The following FAM227B variants were observed in gnomAD, a reference collection of about 807,000 sequenced individuals.
FAM227B encodes the protein protein FAM227B.
In FAM227B, 88 loss-of-function variants were observed where a neutral mutation model predicts 73.8. The ratio of observed to expected loss-of-function variants is 1.19; its 90% confidence interval spans 1.00 to 1.42. FAM227B has a LOEUF of 1.42. FAM227B is among the 40% of genes most tolerant of loss of function. The pLI, the probability that FAM227B is intolerant of heterozygous loss-of-function variation, is 0.00. For missense variants in FAM227B, 632 were observed against 590.9 expected, an observed-to-expected ratio of 1.07 and a Z score of -0.72; for synonymous variants, 210 against 190.5, an observed-to-expected ratio of 1.10 and a Z score of -0.84.
intron 11 of FAM227B, among the ~76,000 whole-genome samples, chr15:49,389,554 G>A (rs2047078370): frequency 6.6e-6 from 1 of 151,742 alleles, no homozygotes; most frequent in African/African-American, 2.4e-5. Context: ...CTTGGGTGAT[G>A]GGTGCACTAA....
intron 3 of FAM227B, among the ~76,000 whole-genome samples, chr15:49,599,933 G>C (rs983915897): frequency 2.6e-5 from 4 of 152,128 alleles, no homozygotes; most frequent in African/African-American, 9.7e-5. Context: ...ATTTTGTCTA[G>C]AGAGTTGTTC....
chr15:49,561,551 C>T (rs920128977), intron 9 of FAM227B, among the ~76,000 whole-genome samples: 10 of 152,132 alleles, frequency 6.6e-5, no homozygotes, highest in Non-Finnish European at 2.9e-5. Flanking sequence ...CACCCATCAA[C>T]TAGAAATGTG....
At chr15:49,494,284 C>T (rs4994868) in intron 11 of FAM227B, among the ~76,000 whole-genome samples, 34 of 151,338 alleles carry the variant, frequency 2.2e-4, no homozygotes, top group South Asian at 1.0e-3. Flanking sequence ...CACACACACA[C>T]ACACACCCTA....
At chr15:49,533,530 T>A (rs1196180518) in intron 10 of FAM227B, among the ~76,000 whole-genome samples, 1 of 151,926 alleles carries the variant, frequency 6.6e-6, no homozygotes, top group Non-Finnish European at 1.5e-5. Context: ...TGTTAATATT[T>A]GCTTTATATA....
At chr15:49,528,655 A>G (rs2060384167) in intron 10 of FAM227B, among the ~76,000 whole-genome samples, 1 of 151,952 alleles carries the variant, frequency 6.6e-6, no homozygotes, top group Admixed American at 6.6e-5. Flanking sequence ...ACTCCATTAA[A>G]AAGTGGGCAA....
intron 15 of FAM227B, chr15:49,328,912 C>CTT (rs887024627): frequency 1.1e-4 from 136 of 1,226,872 alleles, no homozygotes; most frequent in Middle Eastern, 3.2e-4. Flanking sequence ...AATAGAAAAA[C>CTT]TTAGATAAAA....
chr15:49,390,956 A>G (rs2047175562), intron 11 of FAM227B, among the ~76,000 whole-genome samples: 1 of 152,008 alleles, frequency 6.6e-6, no homozygotes, highest in Admixed American at 6.6e-5. Context: ...GTCCTTAGGA[A>G]GACCATGGGA....
At chr15:49,358,630 A>C in intron 13 of FAM227B, among the ~76,000 whole-genome samples, 1 of 149,838 alleles carries the variant, frequency 6.7e-6, no homozygotes, top group Non-Finnish European at 1.5e-5. Context: ...CATGGGTAGG[A>C]AGAATCAATA....
chr15:49,595,758 T>C (rs2076851901), intron 3 of FAM227B, among the ~76,000 whole-genome samples: 1 of 149,392 alleles, frequency 6.7e-6, no homozygotes, highest in Non-Finnish European at 1.5e-5. Flanking sequence ...GAGAAATACA[T>C]ATCATAAATA....
At chr15:49,395,207 TTTTC>T (rs1248723536) in intron 11 of FAM227B, among the ~76,000 whole-genome samples, 3 of 152,212 alleles carry the variant, frequency 2.0e-5, no homozygotes, top group African/African-American at 7.2e-5. Context: ...TTACATGGTA[TTTTC>T]TTTTTCTATT....
chr15:49,592,217 A>G (rs2152414805), intron 3 of FAM227B, among the ~76,000 whole-genome samples: 1 of 152,272 alleles, frequency 6.6e-6, no homozygotes, highest in South Asian at 2.1e-4. Context: ...ATTGCTGGCA[A>G]GGGGCTGAGA....
chr15:49,549,469 T>C (rs2072476851), intron 9 of FAM227B, among the ~76,000 whole-genome samples: 2 of 152,084 alleles, frequency 1.3e-5, no homozygotes, highest in African/African-American at 2.4e-5. Context: ...GAGGACCCTG[T>C]GGCCTGGCCT....
At chr15:49,520,038 T>C (rs2059670560) in intron 10 of FAM227B, among the ~76,000 whole-genome samples, 1 of 152,188 alleles carries the variant, frequency 6.6e-6, no homozygotes, top group South Asian at 2.1e-4. Flanking sequence ...TAGAAATTTC[T>C]TCTGCTAGAT....
At chr15:49,346,410 T>TCC (rs2041515028) in intron 13 of FAM227B, among the ~76,000 whole-genome samples, 1 of 152,098 alleles carries the variant, frequency 6.6e-6, no homozygotes, top group African/African-American at 2.4e-5. Context: ...CAATCACCTT[T>TCC]CCCCACACCT....
chr15:49,513,792 G>T (rs1272000773), intron 10 of FAM227B, among the ~76,000 whole-genome samples: 1 of 152,018 alleles, frequency 6.6e-6, no homozygotes, highest in South Asian at 2.1e-4. Flanking sequence ...TAAGGAAGGG[G>T]TCCAGTTTTA....
At chr15:49,343,263 G>A (rs2041007826) in intron 13 of FAM227B, among the ~76,000 whole-genome samples, 1 of 151,812 alleles carries the variant, frequency 6.6e-6, no homozygotes, top group African/African-American at 2.4e-5. Flanking sequence ...TGGTTATTTT[G>A]AAAGACTGGT....
chr15:49,551,462 A>G (rs910358936), intron 9 of FAM227B, among the ~76,000 whole-genome samples: 2 of 151,904 alleles, frequency 1.3e-5, no homozygotes, highest in East Asian at 1.9e-4. Context: ...ACTTTTCTTC[A>G]TATCTTTATT....
chr15:49,611,327 T>C (rs1389437257), intron 2 of FAM227B, 59 bp from the exon 3 acceptor site: 1 of 852,888 alleles, frequency 1.2e-6, no homozygotes, highest in Admixed American at 2.3e-5. Flanking sequence ...GTTCATAATA[T>C]TTACAAATAA....
At chr15:49,590,142 A>C (rs1455305652) in intron 3 of FAM227B, 135 bp from the exon 4 acceptor site, 5 of 586,942 alleles carry the variant, frequency 8.5e-6, no homozygotes, top group South Asian at 4.6e-5. Context: ...AAAAATTTGA[A>C]ACAATCACAA....
Sources: gnomAD v4.1 joint callset for allele counts (sites outside exome capture counted in the v4.1 genomes callset) on GRCh38, gnomAD v4.1.1 for gene constraint, MANE v1.5 for transcripts, NCBI Gene and HGNC (gene_info 2026-07-23, HGNC 2026-07-21) for gene names.